TBC1D32: variants seen among roughly 807,000 people sequenced by gnomAD.
The protein encoded by TBC1D32 is protein broad-minded.
A neutral mutation model predicts 170.3 loss-of-function variants in TBC1D32; 151 were observed. The ratio of observed to expected loss-of-function variants is 0.89; its 90% CI spans 0.78 to 1.01. TBC1D32 has a LOEUF of 1.01. TBC1D32 is among the 50% of genes least tolerant of loss of function. The pLI is 0.00. For missense variants in TBC1D32, 1,464 were observed against 1,457.1 expected (o/e 1.00, Z -0.08); for synonymous variants, 498 against 488.0 (o/e 1.02, Z -0.27).
intron 22 of TBC1D32, among the ~76,000 whole-genome samples, chr6:121,195,991 T>C (rs899266940): frequency 6.6e-5 from 10 of 152,124 alleles, no homozygotes; most frequent in African/African-American, 2.2e-4. Context: ...GGAAGACACA[T>C]GATTGGAAAA....
chr6:121,102,320 G>A (rs1458372159), intron 30 of TBC1D32, among the ~76,000 whole-genome samples: 4 of 152,020 alleles, frequency 2.6e-5, no homozygotes, highest in African/African-American at 7.2e-5. Flanking sequence ...GAGGCATCAT[G>A]CTACCTGACT....
intron 4 of TBC1D32, among the ~76,000 whole-genome samples, chr6:121,310,181 A>G (rs1444344160): frequency 6.6e-6 from 1 of 152,116 alleles, no homozygotes; most frequent in Non-Finnish European, 1.5e-5. Context: ...ACTGTATAAC[A>G]TGATGACATG....
At chr6:121,300,274 C>T (rs1309147514) in intron 9 of TBC1D32, among the ~76,000 whole-genome samples, 1 of 151,768 alleles carries the variant, frequency 6.6e-6, no homozygotes, top group African/African-American at 2.4e-5. Flanking sequence ...ATGGTGAAAC[C>T]CCTCTCTACT....
intron 10 of TBC1D32, among the ~76,000 whole-genome samples, chr6:121,296,037 A>G (rs1805579777): frequency 6.6e-6 from 1 of 152,130 alleles, no homozygotes; most frequent in Non-Finnish European, 1.5e-5. Context: ...GAGGGTTTCT[A>G]TGTGAACAGC....
rs1806162110 is a variant in TBC1D32 at position 121,299,618 on chromosome 6, A to G, written c.1081-113T>C. 4 of 1,045,462 alleles carry G rather than the reference A, an allele frequency of 3.8e-6. No homozygotes were observed. In the East Asian group the frequency reaches 1.2e-4, roughly 32 times the overall value. The allele number at this position is 1,045,462 out of a possible 1,614,324, so 64.8% of individuals were successfully genotyped here. On this transcript the variant is annotated intron_variant, in intron 9 of 31. Transcript: ENST00000398212. Reference sequence around the variant, plus strand: ...AAATCACACAATAGCTTAGGTTTAAACCCTTATAGTCAATGACAGACAGGT... The same window carrying G: ...AAATCACACAATAGCTTAGGTTTAAGCCCTTATAGTCAATGACAGACAGGT...
At chr6:121,192,214 T>A (rs753201318) in intron 22 of TBC1D32, among the ~76,000 whole-genome samples, 1 of 151,908 alleles carries the variant, frequency 6.6e-6, no homozygotes, top group Non-Finnish European at 1.5e-5. Flanking sequence ...CTGCTTAATA[T>A]GTTCAGATCC....
intron 1 of TBC1D32, among the ~76,000 whole-genome samples, chr6:121,332,838 T>TCTA (rs1406106886): frequency 6.6e-6 from 1 of 152,134 alleles, no homozygotes; most frequent in Non-Finnish European, 1.5e-5. Flanking sequence ...TAATAACAGG[T>TCTA]ATTAGTAGTG....
At chr6:121,294,748 T>C in intron 10 of TBC1D32, 88 bp from the exon 11 acceptor site, 1 of 1,027,772 alleles carries the variant, frequency 9.7e-7, no homozygotes, top group East Asian at 2.4e-5. Flanking sequence ...GTAAAAATAC[T>C]TTGGAGAAAT....
At chr6:121,324,043 G>A (rs1810125507) in intron 1 of TBC1D32, among the ~76,000 whole-genome samples, 1 of 152,166 alleles carries the variant, frequency 6.6e-6, no homozygotes, top group Non-Finnish European at 1.5e-5. Context: ...AGGTAAAATA[G>A]ATGAGGACAC....
At chr6:121,252,094 G>A (rs995644993) in intron 17 of TBC1D32, among the ~76,000 whole-genome samples, 1 of 152,124 alleles carries the variant, frequency 6.6e-6, no homozygotes, top group South Asian at 2.1e-4. Context: ...AGAGGATGTC[G>A]AGAAATAGGG....
intron 22 of TBC1D32, chr6:121,170,398 T>A: frequency 6.3e-7 from 1 of 1,597,354 alleles, no homozygotes; most frequent in South Asian, 1.1e-5. Flanking sequence ...TAATCACCCA[T>A]TTTTACCTGT....
At chr6:121,162,670 C>G (rs1001999769) in intron 22 of TBC1D32, among the ~76,000 whole-genome samples, 15 of 152,158 alleles carry the variant, frequency 9.9e-5, no homozygotes, top group African/African-American at 3.6e-4. Flanking sequence ...AGCCCAAAAG[C>G]TTCTTAAGCT....
chr6:121,214,841 A>G (rs113237677), intron 21 of TBC1D32, among the ~76,000 whole-genome samples: 2 of 152,174 alleles, frequency 1.3e-5, no homozygotes. Flanking sequence ...TCCCACATCC[A>G]GGAAGAATGA....
intron 4 of TBC1D32, among the ~76,000 whole-genome samples, chr6:121,309,878 A>G (rs1406560939): frequency 6.6e-6 from 1 of 152,102 alleles, no homozygotes; most frequent in Non-Finnish European, 1.5e-5. Context: ...TACAAAAAAT[A>G]CAAAATTTCA....
chr6:121,270,564 G>A (rs1015516948), intron 15 of TBC1D32, among the ~76,000 whole-genome samples: 2 of 152,064 alleles, frequency 1.3e-5, no homozygotes, highest in Admixed American at 6.5e-5. Context: ...AAACCAAGAA[G>A]AAGCTGAATC....
At chr6:121,124,394 T>C (rs1780612030) in intron 26 of TBC1D32, among the ~76,000 whole-genome samples, 2 of 152,124 alleles carry the variant, frequency 1.3e-5, no homozygotes, top group African/African-American at 2.4e-5. Flanking sequence ...GTATCTGTTG[T>C]CAGGCATATT....
At chr6:121,121,112 T>C (rs1780214932) in intron 26 of TBC1D32, among the ~76,000 whole-genome samples, 1 of 152,030 alleles carries the variant, frequency 6.6e-6, no homozygotes, top group Non-Finnish European at 1.5e-5. Flanking sequence ...TGTAACAATT[T>C]AGCCATATAC....
At chr6:121,134,385 G>A (rs1430522360) in intron 24 of TBC1D32, among the ~76,000 whole-genome samples, 1 of 151,764 alleles carries the variant, frequency 6.6e-6, no homozygotes, top group African/African-American at 2.4e-5. Flanking sequence ...ATTCTGTTTT[G>A]CTTTCTCATC....
At position 121,124,755 on chromosome 6, in the gene TBC1D32, G is replaced by A. The variant is rs546099682; in HGVS notation, c.2983+1623C>T. On this transcript the variant is annotated intron_variant, in intron 26 of 31. Transcript: ENST00000398212. ...TCCTCAGACTATGTATTTTCAAATT[G>A]TCTTCAAGCTCACTGATTTTTTTTT... Among the ~76,000 whole-genome samples, 12 of 83,750 alleles carry A rather than the reference G, an allele frequency of 1.4e-4. No homozygotes were observed. In the East Asian group the frequency reaches 4.0e-3, roughly 28 times the overall value. 54.9% of individuals were successfully genotyped at this position (83,750 alleles called of 152,430 possible).
Sources: gnomAD v4.1 joint callset for allele counts (sites outside exome capture counted in the v4.1 genomes callset) on GRCh38, gnomAD v4.1.1 for gene constraint, MANE v1.5 for transcripts, NCBI Gene and HGNC (gene_info 2026-07-23, HGNC 2026-07-21) for gene names.